CCDC125: variants seen among roughly 807,000 people sequenced by gnomAD.
The protein encoded by CCDC125 is coiled-coil domain-containing protein 125.
Under a neutral mutation model 57.4 loss-of-function variants are expected in CCDC125, and 43 were observed. The ratio of observed to expected loss-of-function variants is 0.75; its 90% CI spans 0.59 to 0.97. The LOEUF is 0.97. CCDC125 is among the 50% of genes least tolerant of loss of function. CCDC125 has a pLI of 0.00. For synonymous variants in CCDC125, 187 were observed against 195.2 expected (o/e 0.96, Z 0.35); for missense variants, 563 against 595.7 (o/e 0.95, Z 0.57).
chr5:69,330,724 G>A (rs1761311815), intron 1 of CCDC125, among the ~76,000 whole-genome samples: 1 of 151,868 alleles, frequency 6.6e-6, no homozygotes, highest in Non-Finnish European at 1.5e-5. Context: ...TTCCTCTTTG[G>A]TCTTCACATG....
chr5:69,309,104 TA>T (rs1392565111), intron 4 of CCDC125: 1 of 152,180 alleles, frequency 6.6e-6, no homozygotes, highest in African/African-American at 2.4e-5. Flanking sequence ...AAGCACAGCA[TA>T]AAAGTTCAGA....
intron 9 of CCDC125, among the ~76,000 whole-genome samples, chr5:69,293,467 T>C (rs1445101904): frequency 6.6e-6 from 1 of 152,022 alleles, no homozygotes; most frequent in African/African-American, 2.4e-5. Flanking sequence ...CTGGCCAACA[T>C]AGTGAAACCC....
At position 69,308,164 on chromosome 5, in the gene CCDC125, T is replaced by C. The variant is rs1037502680; in HGVS notation, c.454-136A>G. The stretch of plus-strand genomic sequence containing the variant: ...TAAGAATTTCACAGTGACCACCTTT[T>C]ATGGAGAGTCTGATAGTTCAAAAGT... On this transcript the variant is annotated intron_variant, in intron 4 of 11. Transcript: ENST00000396496. 9.0e-6 allele frequency: 6 copies of C among 666,450 alleles called. No homozygotes were observed. In the East Asian group the frequency reaches 1.4e-4, roughly 15 times the overall value. 41.3% of individuals were successfully genotyped at this position (666,450 alleles called of 1,614,324 possible).
chr5:69,314,627 C>T (rs1580173948), intron 2 of CCDC125, among the ~76,000 whole-genome samples: 1 of 151,982 alleles, frequency 6.6e-6, no homozygotes, highest in East Asian at 1.9e-4. Context: ...GCAACACAGA[C>T]CTCCGTCTCT....
chr5:69,308,962 C>CCTGCCCT (rs1394534729), intron 4 of CCDC125: 3 of 152,746 alleles, frequency 2.0e-5, no homozygotes, highest in African/African-American at 7.2e-5. Flanking sequence ...GCATTTTGCC[C>CCTGCCCT]CTGCCCTAGA....
intron 1 of CCDC125, among the ~76,000 whole-genome samples, chr5:69,330,194 TC>T (rs1330578478): frequency 2.6e-5 from 4 of 152,176 alleles, no homozygotes; most frequent in African/African-American, 9.7e-5. Context: ...CCTCTAAGGC[TC>T]TTTTTCTTTT....
At chr5:69,290,261 T>C (rs1383353680) in intron 10 of CCDC125, among the ~76,000 whole-genome samples, 19 of 151,686 alleles carry the variant, frequency 1.3e-4, no homozygotes, top group Non-Finnish European at 2.6e-4. Flanking sequence ...AAAATGGCTA[T>C]CTACTATAAA....
chr5:69,320,296 T>C lies in CCDC125; in HGVS notation c.245A>G (p.Gln82Arg), dbSNP rs780871135. The stretch of plus-strand genomic sequence containing the variant: ...GGACACTTGAGGGAATGTATCTTGC[T>C]GGCTCTTATGCTTGGAATACTGAAA... ...ASFQYSKHKS[Q>R]QDTFPQVSRI... Residue 82 changes from glutamine to arginine, a missense_variant, in exon 2 of 12, where the codon CAG (glutamine) becomes CGG (arginine). Gln to Arg is a conservative substitution (Grantham distance 43). Transcript: ENST00000396496. 5 of 1,614,198 alleles carry C rather than the reference T, an allele frequency of 3.1e-6. No individual in the cohort carries two copies. The highest frequency in any genetic ancestry group is 4.2e-6 in the Non-Finnish European group (5 of 1,180,026).
chr5:69,286,019 A>G (rs1437908983), intron 10 of CCDC125, among the ~76,000 whole-genome samples: 1 of 151,660 alleles, frequency 6.6e-6, no homozygotes, highest in Admixed American at 6.6e-5. Flanking sequence ...GAACTGTGCC[A>G]TTAAATAATA....
At position 69,281,416 on chromosome 5, in the gene CCDC125, C is replaced by G. The variant is rs1752469281; in HGVS notation, c.*1313G>C. The G allele has an allele frequency of 6.6e-6, 1 of 152,166 alleles. No homozygotes were observed. The highest frequency in any genetic ancestry group is 2.4e-5 in the African/African-American group (1 of 41,420). 9.4% of individuals were successfully genotyped at this position (152,166 alleles called of 1,614,324 possible). A position where few individuals can be genotyped will look rare whatever the true frequency, so the allele number is the denominator to read the frequency against. Reference sequence around the variant, plus strand: ...ATCACCTTGGCTCAGGCAGCTTCTTCAGATTCCTGAGACCCCATTTCCTGG... The same window carrying G: ...ATCACCTTGGCTCAGGCAGCTTCTTGAGATTCCTGAGACCCCATTTCCTGG... On this transcript the variant is annotated 3_prime_UTR_variant, in exon 12 of 12. Coordinates refer to ENST00000396496, the MANE Select transcript of CCDC125 (RefSeq NM_176816.5).
At chr5:69,313,292 G>A (rs1758458611) in intron 3 of CCDC125, 1 of 642,392 alleles carries the variant, frequency 1.6e-6, no homozygotes, top group Non-Finnish European at 2.8e-6. Context: ...CCTCCTATCT[G>A]GCAGGAAGGG....
the CCDC125 span, among the ~76,000 whole-genome samples, chr5:69,273,566 A>AT: frequency 6.6e-6 from 1 of 152,208 alleles, no homozygotes; most frequent in Non-Finnish European, 1.5e-5. Context: ...CTTGAAAAAT[A>AT]TTTGAAATAA....
In CCDC125 at chr5:69,294,809, A is replaced by G. The variant is rs777859999; in HGVS notation, c.908T>C (p.Leu303Pro). 3 of 1,613,892 alleles carry G rather than the reference A, an allele frequency of 1.9e-6. No individual in the cohort carries two copies. Among genetic ancestry groups the G allele is most frequent in the Non-Finnish European group, 2.5e-6 (3 of 1,179,752 alleles). Residue 303 changes from leucine (L) to proline (P), a missense_variant, in exon 9 of 12, where the codon CTT (leucine) becomes CCT (proline). By Grantham distance (98) the Leu-to-Pro change is moderately conservative (BLOSUM62 -3). Transcript: ENST00000396496. ...RMAASTRKLL[L>P]QLKQELEILQ... ...ACGCAATACCTCTTGTTTGAGCTGA[A>G]GAAGCAGTTTCCGAGTGGATGCTGC...
intron 11 of CCDC125, among the ~76,000 whole-genome samples, chr5:69,283,373 C>T (rs71622282): frequency 0.22 from 34,079 of 151,626 alleles, 4,931 homozygotes; most frequent in Non-Finnish European, 0.33. Flanking sequence ...GTGCCCGCCA[C>T]CACACCCAGC....
chr5:69,301,093 CA>C (rs35499156), intron 7 of CCDC125, among the ~76,000 whole-genome samples: 164 of 99,078 alleles, frequency 1.7e-3, no homozygotes, highest in African/African-American at 2.3e-3. Flanking sequence ...GACTCCCTCT[CA>C]AAAAAAAAAA....
chr5:69,313,968 T>G lies in CCDC125; in HGVS notation c.366+17A>C. 6.3e-7 allele frequency: 1 copy of G among 1,575,308 alleles called. No homozygotes were observed. The highest frequency in any genetic ancestry group is 8.7e-7 in the Non-Finnish European group (1 of 1,144,808). The stretch of plus-strand genomic sequence containing the variant: ...CCCAGCTAAACTGATAATTTTTATA[T>G]TAGCCAGAGTACCTACCTCTAAAGT... On this transcript the variant is annotated intron_variant, in intron 3 of 11. Coordinates refer to ENST00000396496, the MANE Select transcript of CCDC125 (RefSeq NM_176816.5).
intron 11 of CCDC125, among the ~76,000 whole-genome samples, chr5:69,284,801 A>G (rs749607971): frequency 6.6e-6 from 1 of 152,132 alleles, no homozygotes; most frequent in South Asian, 2.1e-4. Flanking sequence ...CATAAAATAC[A>G]CTAACACTGG....
chr5:69,285,233 T>C (rs554976213), intron 11 of CCDC125, 104 bp downstream of exon 11: 2 of 1,055,144 alleles, frequency 1.9e-6, no homozygotes, highest in East Asian at 2.7e-5. Context: ...CGAATTTGTG[T>C]TGGGCCACAT....
intron 1 of CCDC125, among the ~76,000 whole-genome samples, chr5:69,329,369 G>A (rs6866908): frequency 0.013 from 1,919 of 151,416 alleles, 31 homozygotes; most frequent in African/African-American, 0.045. Flanking sequence ...TGTATTTTTT[G>A]TAGAGACGAG....
Sources: gnomAD v4.1 joint callset for allele counts (sites outside exome capture counted in the v4.1 genomes callset) on GRCh38, gnomAD v4.1.1 for gene constraint, MANE v1.5 for transcripts, NCBI Gene and HGNC (gene_info 2026-07-23, HGNC 2026-07-21) for gene names.